NRG1: variants seen among roughly 807,000 people sequenced by gnomAD.
NRG1 encodes the protein neuregulin 1.
A neutral mutation model predicts 63.8 loss-of-function variants in NRG1; 18 were observed. The ratio of observed to expected loss-of-function variants is 0.28; its 90% CI spans 0.19 to 0.42. The LOEUF is 0.42. Ranked by LOEUF, NRG1 falls within the 10% of genes least tolerant of loss-of-function variation. The pLI is 1.00. For missense variants in NRG1, 762 were observed against 814.7 expected (o/e 0.94, Z 0.79); for synonymous variants, 302 against 301.3 (o/e 1.00, Z -0.02).
chr8:31,783,211 AG>A (rs1819855251), intron 1 of NRG1, among the ~76,000 whole-genome samples: 1 of 152,232 alleles, frequency 6.6e-6, no homozygotes, highest in Non-Finnish European at 1.5e-5. Flanking sequence ...ATTAAACAAA[AG>A]AAACTTTAGG....
At chr8:32,037,489 T>C (rs1445082573) in intron 1 of NRG1, among the ~76,000 whole-genome samples, 4 of 152,180 alleles carry the variant, frequency 2.6e-5, no homozygotes, top group African/African-American at 4.8e-5. Context: ...ATCCGCCTCA[T>C]CAGGGCTGCC....
At chr8:32,503,731 C>T (rs535373629) in intron 1 of NRG1, among the ~76,000 whole-genome samples, 1 of 152,220 alleles carries the variant, frequency 6.6e-6, no homozygotes, top group Middle Eastern at 3.4e-3. Context: ...CATCTTGCCT[C>T]CTTAGAAGAA....
At chr8:32,585,332 A>G (rs1479269587) in intron 1 of NRG1, among the ~76,000 whole-genome samples, 1 of 152,174 alleles carries the variant, frequency 6.6e-6, no homozygotes, top group Non-Finnish European at 1.5e-5. Flanking sequence ...GATTGCTTTC[A>G]GTGAAGCTTG....
At chr8:32,169,691 T>A (rs1432619050) in intron 1 of NRG1, among the ~76,000 whole-genome samples, 1 of 152,202 alleles carries the variant, frequency 6.6e-6, no homozygotes, top group Non-Finnish European at 1.5e-5. Context: ...AAGTTGGAAC[T>A]AAGAATGAAT....
intron 1 of NRG1, among the ~76,000 whole-genome samples, chr8:31,811,551 C>A (rs1203046654): frequency 6.6e-6 from 1 of 152,108 alleles, no homozygotes; most frequent in Non-Finnish European, 1.5e-5. Context: ...TTCTTTGCCT[C>A]TATTGTATGT....
At chr8:32,555,614 G>A (rs1400037257) in intron 1 of NRG1, among the ~76,000 whole-genome samples, 2 of 152,140 alleles carry the variant, frequency 1.3e-5, no homozygotes, top group African/African-American at 4.8e-5. Context: ...TGGGACTACA[G>A]GCGCCCACCA....
At chr8:31,945,281 T>G (rs910355201) in intron 1 of NRG1, among the ~76,000 whole-genome samples, 1 of 152,196 alleles carries the variant, frequency 6.6e-6, no homozygotes, top group Non-Finnish European at 1.5e-5. Context: ...CTCTGATGCT[T>G]TGACTTTTGC....
intron 1 of NRG1, among the ~76,000 whole-genome samples, chr8:32,106,211 T>TTC (rs1831237957): frequency 6.6e-6 from 1 of 152,218 alleles, no homozygotes; most frequent in African/African-American, 2.4e-5. Flanking sequence ...ACACAATTTG[T>TTC]TCTTTGAATG....
intron 1 of NRG1, among the ~76,000 whole-genome samples, chr8:32,278,502 G>A (rs1387219962): frequency 1.3e-5 from 2 of 152,178 alleles, no homozygotes; most frequent in Non-Finnish European, 2.9e-5. Context: ...TAGTCATGAG[G>A]TCATCATTCC....
At chr8:31,659,546 T>C (rs1805767394) in intron 1 of NRG1, among the ~76,000 whole-genome samples, 1 of 151,904 alleles carries the variant, frequency 6.6e-6, no homozygotes, top group South Asian at 2.1e-4. Context: ...GAGCAACAGA[T>C]TGGGGTAGGA....
intron 1 of NRG1, among the ~76,000 whole-genome samples, chr8:32,460,133 G>A (rs1236876237): frequency 6.6e-6 from 1 of 152,198 alleles, no homozygotes; most frequent in Non-Finnish European, 1.5e-5. Context: ...TCCAGGCCTT[G>A]GAAGAGGGTT....
chr8:31,691,053 C>T (rs1809448359), intron 1 of NRG1, among the ~76,000 whole-genome samples: 1 of 152,026 alleles, frequency 6.6e-6, no homozygotes, highest in East Asian at 1.9e-4. Context: ...AGGTTGGAGT[C>T]CTGGGTCACT....
chr8:32,324,183 T>C (rs1217953675), intron 1 of NRG1, among the ~76,000 whole-genome samples: 1 of 152,158 alleles, frequency 6.6e-6, no homozygotes, highest in Non-Finnish European at 1.5e-5. Flanking sequence ...AGGCCAGGCA[T>C]CTCTTATGTC....
intron 1 of NRG1, among the ~76,000 whole-genome samples, chr8:32,555,655 T>C (rs528353364): frequency 1.3e-5 from 2 of 152,090 alleles, no homozygotes; most frequent in Non-Finnish European, 2.9e-5. Flanking sequence ...GTATTTCTAG[T>C]AGAGACGGGG....
chr8:32,521,242 T>A (rs568455105), intron 1 of NRG1, among the ~76,000 whole-genome samples: 1 of 152,306 alleles, frequency 6.6e-6, no homozygotes, highest in South Asian at 2.1e-4. Context: ...TAGAATATCC[T>A]TTAGGTTTAT....
intron 1 of NRG1, among the ~76,000 whole-genome samples, chr8:32,213,619 A>T (rs932473452): frequency 3.9e-5 from 6 of 152,106 alleles, no homozygotes; most frequent in Admixed American, 6.6e-5. Context: ...TTAAAATTTT[A>T]AAAAAATTTA....
chr8:32,394,819 G>A (rs936658765), intron 1 of NRG1, among the ~76,000 whole-genome samples: 7 of 152,146 alleles, frequency 4.6e-5, no homozygotes, highest in Non-Finnish European at 7.3e-5. Context: ...AAAAACAGAA[G>A]TGTCATTTTT....
intron 1 of NRG1, among the ~76,000 whole-genome samples, chr8:32,574,272 A>G (rs1017039908): frequency 2.6e-5 from 4 of 152,102 alleles, no homozygotes; most frequent in African/African-American, 9.7e-5. Flanking sequence ...ACATTCCGTA[A>G]TTATGTCTCT....
chr8:31,826,048 C>T (rs1824517151), intron 1 of NRG1, among the ~76,000 whole-genome samples: 1 of 152,130 alleles, frequency 6.6e-6, no homozygotes, highest in African/African-American at 2.4e-5. Context: ...GGATTAACCC[C>T]ATAGTCTATT....
Sources: allele counts gnomAD v4.1 joint callset (sites outside exome capture counted in the v4.1 genomes callset), GRCh38; gene constraint gnomAD v4.1.1; transcripts MANE v1.5; gene names NCBI Gene and HGNC (gene_info 2026-07-23, HGNC 2026-07-21).